KCNH5: variants seen among roughly 807,000 people sequenced by gnomAD.
KCNH5 encodes voltage-gated delayed rectifier potassium channel KCNH5.
A neutral mutation model predicts 96.1 loss-of-function variants in KCNH5; 46 were observed. The ratio of observed to expected loss-of-function variants is 0.48; its 90% CI spans 0.38 to 0.61. The LOEUF is 0.61. Among genes scored for constraint, KCNH5 ranks in the 20% least tolerant of loss-of-function variants. The pLI is 0.00. For synonymous variants in KCNH5, 439 were observed against 449.8 expected (o/e 0.98, Z 0.30); for missense variants, 907 against 1,225.8 (o/e 0.74, Z 3.88).
intron 7 of KCNH5, among the ~76,000 whole-genome samples, chr14:62,896,850 A>T (rs1888823545): frequency 6.6e-6 from 1 of 152,208 alleles, no homozygotes; most frequent in South Asian, 2.1e-4. Flanking sequence ...ACAATACTGC[A>T]TTGCTAGCAT....
At chr14:62,996,799 C>T (rs1162409725) in intron 4 of KCNH5, among the ~76,000 whole-genome samples, 1 of 152,090 alleles carries the variant, frequency 6.6e-6, no homozygotes, top group Non-Finnish European at 1.5e-5. Context: ...CTTTCTTTGG[C>T]CAACTTCATC....
At chr14:62,893,728 C>T (rs564192094) in intron 7 of KCNH5, among the ~76,000 whole-genome samples, 7 of 151,162 alleles carry the variant, frequency 4.6e-5, no homozygotes, top group Middle Eastern at 3.4e-3. Context: ...TCAGCCTGGG[C>T]GACAGAGCGA....
intron 6 of KCNH5, among the ~76,000 whole-genome samples, chr14:62,980,018 C>T (rs756665600): frequency 6.6e-5 from 10 of 152,110 alleles, no homozygotes; most frequent in Non-Finnish European, 1.0e-4. Context: ...CATGCTGTTC[C>T]CGTGACAGTG....
At chr14:63,042,792 T>C (rs563578998) in intron 1 of KCNH5, among the ~76,000 whole-genome samples, 1 of 152,260 alleles carries the variant, frequency 6.6e-6, no homozygotes, top group South Asian at 2.1e-4. Flanking sequence ...TTTAATACCA[T>C]AATTCTCAAT....
chr14:62,942,621 T>A (rs939630740), intron 7 of KCNH5, among the ~76,000 whole-genome samples: 1 of 152,212 alleles, frequency 6.6e-6, no homozygotes, highest in Admixed American at 6.5e-5. Context: ...AGATTTCTTG[T>A]CATACACATC....
At chr14:62,939,904 C>A (rs569950846) in intron 7 of KCNH5, among the ~76,000 whole-genome samples, 2 of 152,042 alleles carry the variant, frequency 1.3e-5, no homozygotes, top group South Asian at 4.2e-4. Flanking sequence ...CACACCATTG[C>A]ACTACAGTCT....
intron 7 of KCNH5, among the ~76,000 whole-genome samples, chr14:62,905,791 G>A (rs1257007368): frequency 6.6e-6 from 1 of 152,166 alleles, no homozygotes; most frequent in Non-Finnish European, 1.5e-5. Flanking sequence ...ATATCTAAAG[G>A]TCCCACAGAG....
At chr14:62,780,843 C>T (rs1886196095) in intron 9 of KCNH5, among the ~76,000 whole-genome samples, 1 of 152,092 alleles carries the variant, frequency 6.6e-6, no homozygotes, top group South Asian at 2.1e-4. Context: ...GTTCAACTTC[C>T]ACGTGAAAGG....
At chr14:62,880,545 C>A (rs1001871306) in intron 7 of KCNH5, among the ~76,000 whole-genome samples, 1 of 151,942 alleles carries the variant, frequency 6.6e-6, no homozygotes, top group South Asian at 2.1e-4. Context: ...GGAGAGTCCT[C>A]GCCAAAAAAA....
intron 7 of KCNH5, among the ~76,000 whole-genome samples, chr14:62,915,513 TA>T (rs757063804): frequency 6.6e-6 from 1 of 152,200 alleles, no homozygotes; most frequent in African/African-American, 2.4e-5. Flanking sequence ...GTGAATGCAG[TA>T]AAAGTAAAGG....
chr14:62,894,468 T>C (rs1888772390), intron 7 of KCNH5, among the ~76,000 whole-genome samples: 1 of 152,264 alleles, frequency 6.6e-6, no homozygotes, highest in African/African-American at 2.4e-5. Flanking sequence ...AGTGTGTATG[T>C]GTTCATCTAC....
intron 10 of KCNH5, 36 bp downstream of exon 10, chr14:62,779,692 G>A (rs1238774331): frequency 3.2e-6 from 5 of 1,542,892 alleles, no homozygotes; most frequent in Admixed American, 3.7e-5. Context: ...TAATACTCTG[G>A]ACACTAATAA....
Position 62,984,021 on chromosome 14 carries a change from T to A in KCNH5, c.550-2757A>T, listed in dbSNP as rs115294810. On this transcript the variant is annotated intron_variant, in intron 5 of 10. Coordinates refer to ENST00000322893, the MANE Select transcript of KCNH5 (RefSeq NM_139318.5). ...ACAACAAAAAACAGTGCACAAAAAA[T>A]AAGCTTCATCTTTTTCATATGCAAA... Among the ~76,000 whole-genome samples the A allele has an allele frequency of 5.8e-3, 883 of 152,190 alleles. 9 individuals are homozygous for A. Among genetic ancestry groups the A allele is most frequent in the African/African-American group, 0.018 (738 of 41,520 alleles).
intron 1 of KCNH5, among the ~76,000 whole-genome samples, chr14:63,040,117 T>A (rs556309310): frequency 6.6e-6 from 1 of 152,202 alleles, no homozygotes; most frequent in Non-Finnish European, 1.5e-5. Context: ...AGATAAACAC[T>A]GACTAAACTA....
chr14:62,981,217 C>T lies in KCNH5; in HGVS notation c.597G>A (p.Ala199=), dbSNP rs114341754. 14 of 1,613,904 alleles carry T rather than the reference C, an allele frequency of 8.7e-6. No individual in the cohort carries two copies. The highest frequency in any genetic ancestry group is 2.2e-5 in the South Asian group (2 of 91,084). Residue 199 remains alanine, a synonymous_variant, in exon 6 of 11, where the codon GCG becomes GCA. Coordinates refer to ENST00000322893, the MANE Select transcript of KCNH5 (RefSeq NM_139318.5). The part of the protein sequence containing the change: ...SDILPQYKQE[A]PKTPPHIILH... ...AAATAATGTGTGGTGGCGTCTTTGG[C>T]GCTTCTTGTTTATACTGAGGAAGGA...
At chr14:62,728,286 C>T (rs930220736) in intron 10 of KCNH5, among the ~76,000 whole-genome samples, 4 of 150,140 alleles carry the variant, frequency 2.7e-5, no homozygotes, top group African/African-American at 9.8e-5. Context: ...ACTTGTGAGG[C>T]TGAGGCAGGA....
chr14:63,000,812 G>A (rs1326525187), intron 4 of KCNH5, among the ~76,000 whole-genome samples: 11 of 152,258 alleles, frequency 7.2e-5, no homozygotes, highest in East Asian at 3.9e-4. Flanking sequence ...TATGGCCCAC[G>A]TCTGTAATCC....
chr14:62,910,037 T>G (rs1365024336), intron 7 of KCNH5, among the ~76,000 whole-genome samples: 2 of 152,104 alleles, frequency 1.3e-5, no homozygotes, highest in Admixed American at 6.6e-5. Context: ...CCTAGAATGG[T>G]ACCAGTTCCT....
chr14:62,911,941 G>C (rs573636975), intron 7 of KCNH5, among the ~76,000 whole-genome samples: 9 of 150,958 alleles, frequency 6.0e-5, no homozygotes, highest in Non-Finnish European at 1.3e-4. Flanking sequence ...GAGAGGCTGA[G>C]GCAGGAGAAT....
Sources: allele counts gnomAD v4.1 joint callset (sites outside exome capture counted in the v4.1 genomes callset), GRCh38; gene constraint gnomAD v4.1.1; transcripts MANE v1.5; gene names NCBI Gene and HGNC (gene_info 2026-07-23, HGNC 2026-07-21).